Variants in HTT observed in about 807,000 individuals in gnomAD.
The protein encoded by HTT is huntington disease protein.
In HTT, 104 loss-of-function variants were observed where a neutral mutation model predicts 362.3. The ratio of observed to expected loss-of-function variants is 0.29; its 90% CI spans 0.24 to 0.34. The LOEUF (loss-of-function observed/expected upper bound fraction) is 0.34. Ranked by LOEUF, HTT falls within the 10% of genes least tolerant of loss-of-function variation. The pLI, the probability that HTT is intolerant of heterozygous loss-of-function variation, is 1.00. For synonymous variants in HTT, 1,577 were observed against 1,548.7 expected, an observed-to-expected ratio of 1.02 and a Z score of -0.43; for missense variants, 3,301 against 3,928.6, an observed-to-expected ratio of 0.84 and a Z score of 4.27.
chr4:3,200,376 T>C (rs1486261351), intron 41 of HTT, among the ~76,000 whole-genome samples: 2 of 152,226 alleles, frequency 1.3e-5, no homozygotes, highest in Non-Finnish European at 2.9e-5. Flanking sequence ...TTGGAAATGT[T>C]ATTTTACCAT....
At chr4:3,093,141 A>C (rs1005065795) in intron 2 of HTT, among the ~76,000 whole-genome samples, 17 of 152,172 alleles carry the variant, frequency 1.1e-4, no homozygotes, top group African/African-American at 3.9e-4. Flanking sequence ...CTGAGTACTG[A>C]CGAGCACTTG....
chr4:3,220,669 G>C (rs1220563048), intron 53 of HTT, among the ~76,000 whole-genome samples: 1 of 152,114 alleles, frequency 6.6e-6, no homozygotes, highest in Non-Finnish European at 1.5e-5. Context: ...TCACCAGTCT[G>C]ATCCTGTTGT....
intron 49 of HTT, chr4:3,213,047 T>TA (rs770563148): frequency 5.2e-5 from 14 of 267,662 alleles, no homozygotes; most frequent in Non-Finnish European, 9.4e-5. Context: ...AAGGAATACT[T>TA]ACTTGGTTTG....
Position 3,233,247 on chromosome 4 carries a change from C to T in HTT, c.8350C>T (p.His2784Tyr). The T allele has an allele frequency of 6.2e-7, 1 of 1,611,242 alleles. No homozygotes were observed. Among genetic ancestry groups the T allele is most frequent in the Non-Finnish European group, 8.5e-7 (1 of 1,178,138 alleles). The change falls in exon 61 of 67, where the codon CAC (histidine) becomes TAC (tyrosine). Residue 2784 changes from histidine to tyrosine, a missense_variant. By Grantham distance (83) the His-to-Tyr change is moderately conservative (BLOSUM62 2). Coordinates refer to ENST00000355072, the MANE Select transcript of HTT (RefSeq NM_001388492.1). ...SHLPSRVGAL[H>Y]GVLYVLECDL... ...CCTGCCCAGCAGGGTTGGAGCCCTG[C>T]ACGGCGTCCTCTATGTGCTGGAGTG...
At chr4:3,144,509 G>T (rs1490932008) in intron 23 of HTT, among the ~76,000 whole-genome samples, 1 of 152,056 alleles carries the variant, frequency 6.6e-6, no homozygotes, top group Non-Finnish European at 1.5e-5. Context: ...GTAGAGGTAG[G>T]GTTTCACCAG....
intron 25 of HTT, among the ~76,000 whole-genome samples, chr4:3,147,577 T>C (rs1716670475): frequency 6.6e-6 from 1 of 152,164 alleles, no homozygotes; most frequent in Non-Finnish European, 1.5e-5. Context: ...GATGAGTATT[T>C]TAATAAGATC....
chr4:3,169,022 C>CTTTCT (rs1553916667), intron 29 of HTT, among the ~76,000 whole-genome samples: 29 of 141,124 alleles, frequency 2.1e-4, no homozygotes, highest in Non-Finnish European at 2.8e-4. Context: ...TTCTTTCTTT[C>CTTTCT]TTTTTTTTTT....
intron 6 of HTT, among the ~76,000 whole-genome samples, chr4:3,110,818 A>G (rs1714706781): frequency 6.6e-6 from 1 of 152,114 alleles, no homozygotes; most frequent in Admixed American, 6.5e-5. Context: ...GGAAACTTAC[A>G]TCCCTTCAGT....
At chr4:3,203,518 G>A (rs1175641609) in intron 41 of HTT, among the ~76,000 whole-genome samples, 1 of 152,308 alleles carries the variant, frequency 6.6e-6, no homozygotes, top group Non-Finnish European at 1.5e-5. Flanking sequence ...TGTGTTAGTG[G>A]GGAAGAAGTG....
At chr4:3,089,725 T>C (rs935339174) in intron 2 of HTT, among the ~76,000 whole-genome samples, 24 of 152,374 alleles carry the variant, frequency 1.6e-4, no homozygotes, top group African/African-American at 5.1e-4. Context: ...CTTGTCATTT[T>C]GTCTTTTGAT....
chr4:3,233,999 G>A (rs1721396783), intron 61 of HTT, among the ~76,000 whole-genome samples: 1 of 152,258 alleles, frequency 6.6e-6, no homozygotes, highest in Non-Finnish European at 1.5e-5. Context: ...TCTTTAGAGG[G>A]AGGGTGGAAT....
chr4:3,140,911 A>G (rs1008989103), intron 22 of HTT, among the ~76,000 whole-genome samples: 6 of 151,878 alleles, frequency 4.0e-5, no homozygotes, highest in African/African-American at 1.4e-4. Flanking sequence ...CCATGTGCTG[A>G]CAGTTGTATT....
intron 42 of HTT, among the ~76,000 whole-genome samples, chr4:3,205,747 ACTT>A (rs1001837635): frequency 6.6e-6 from 1 of 152,178 alleles, no homozygotes; most frequent in African/African-American, 2.4e-5. Flanking sequence ...AATTCAGAAT[ACTT>A]CTGATCCCAA....
intron 46 of HTT, 26 bp from the exon 47 acceptor site, chr4:3,209,801 C>T (rs369374916): frequency 9.3e-6 from 15 of 1,612,352 alleles, no homozygotes; most frequent in Non-Finnish European, 1.3e-5. Flanking sequence ...CCATCATGTT[C>T]CCCTTATCCA....
At chr4:3,211,112 C>T (rs1214176695) in intron 47 of HTT, among the ~76,000 whole-genome samples, 1 of 151,906 alleles carries the variant, frequency 6.6e-6, no homozygotes, top group East Asian at 1.9e-4. Flanking sequence ...CCATGTTGGC[C>T]AGGCTGGTCT....
At chr4:3,121,063 A>G (rs565412338) in intron 8 of HTT, among the ~76,000 whole-genome samples, 165 bp from the exon 9 acceptor site, 2 of 152,322 alleles carry the variant, frequency 1.3e-5, no homozygotes, top group South Asian at 4.1e-4. Context: ...AGAAAACAAC[A>G]TGGAAGCTAA....
At position 3,157,210 on chromosome 4, in the gene HTT, C is replaced by G; in HGVS notation, c.3753+11C>G. On this transcript the variant is annotated intron_variant, in intron 28 of 66. Transcript: ENST00000355072. ...CACGCTAACTACAAGGTATGGGCCT[C>G]TGCATCTTTTAAAAATATATATGCA... The G allele has an allele frequency of 6.2e-7, 1 of 1,605,686 alleles. No homozygotes were observed. The highest frequency in any genetic ancestry group is 8.5e-7 in the Non-Finnish European group (1 of 1,177,388).
chr4:3,124,252 G>A (rs1310766337), intron 10 of HTT, among the ~76,000 whole-genome samples: 2 of 152,160 alleles, frequency 1.3e-5, no homozygotes, highest in East Asian at 1.9e-4. Flanking sequence ...TTTCTTAGTC[G>A]CTTTTTCCAG....
chr4:3,122,937 G>A lies in HTT; in HGVS notation c.1321+1G>A. ...CCTGTCCTTTCAAGAAAACAAAAAG[G>A]TGATTATTTCAGAAATCAGAGTCTT... is the stretch of plus-strand genomic sequence containing the variant. On this transcript the variant is annotated splice_donor_variant, in intron 10 of 66. Coordinates refer to ENST00000355072, the MANE Select transcript of HTT (RefSeq NM_001388492.1). LOFTEE classifies it high-confidence loss of function. The A allele has an allele frequency of 1.9e-6, 3 of 1,609,640 alleles. No individual in the cohort carries two copies. The highest frequency in any genetic ancestry group is 2.5e-6 in the Non-Finnish European group (3 of 1,177,374).
Sources: allele counts gnomAD v4.1 joint callset (sites outside exome capture counted in the v4.1 genomes callset), GRCh38; gene constraint gnomAD v4.1.1; transcripts MANE v1.5; gene names NCBI Gene and HGNC (gene_info 2026-07-23, HGNC 2026-07-21).